The following ZC3HC1 variants were observed in gnomAD, a reference collection of about 807,000 sequenced individuals.
ZC3HC1 encodes the protein zinc finger C3HC-type protein 1.
Under a neutral mutation model 61.9 loss-of-function variants are expected in ZC3HC1, and 38 were observed. The ratio of observed to expected loss-of-function variants is 0.61; its 90% confidence interval spans 0.47 to 0.81. The LOEUF (loss-of-function observed/expected upper bound fraction) is 0.81, where lower values mean the gene tolerates loss of function less well. Ranked by LOEUF, ZC3HC1 falls within the 30% of genes least tolerant of loss-of-function variation. ZC3HC1 has a pLI of 0.00. For synonymous variants in ZC3HC1, 213 were observed against 229.9 expected (o/e 0.93, Z 0.67); for missense variants, 554 against 622.7 (o/e 0.89, Z 1.17).
chr7:130,022,803 C>A (rs117340027), intron 8 of ZC3HC1, among the ~76,000 whole-genome samples: 5 of 152,064 alleles, frequency 3.3e-5, no homozygotes, highest in Non-Finnish European at 7.4e-5. Flanking sequence ...GAACAGCAGG[C>A]GGGCAAGCAA....
intron 1 of ZC3HC1, among the ~76,000 whole-genome samples, chr7:130,050,656 C>T (rs1171005072): frequency 6.6e-6 from 1 of 152,116 alleles, no homozygotes; most frequent in East Asian, 1.9e-4. Context: ...AAATAATGTT[C>T]CCACATTATG....
chr7:130,030,230 T>G (rs571437606), intron 4 of ZC3HC1, among the ~76,000 whole-genome samples: 2 of 147,794 alleles, frequency 1.4e-5, no homozygotes, highest in East Asian at 4.0e-4. Context: ...ACAGAGTTTT[T>G]GCTCTGTCGC....
chr7:130,026,113 G>A, intron 6 of ZC3HC1, 45 bp downstream of exon 6: 1 of 1,592,522 alleles, frequency 6.3e-7, no homozygotes, highest in Non-Finnish European at 8.6e-7. Context: ...TGGGTGTAAT[G>A]CTGTTGTCAT....
chr7:130,036,336 G>A (rs1312280741), intron 4 of ZC3HC1, among the ~76,000 whole-genome samples: 1 of 152,008 alleles, frequency 6.6e-6, no homozygotes, highest in Non-Finnish European at 1.5e-5. Flanking sequence ...GGCCAAAATG[G>A]TGAAACCTCG....
chr7:130,039,287 T>A, intron 4 of ZC3HC1, 177 bp downstream of exon 4: 2 of 593,002 alleles, frequency 3.4e-6, no homozygotes, highest in Non-Finnish European at 5.9e-6. Context: ...AAGGTTGCAG[T>A]GAGCCAAGAT....
intron 2 of ZC3HC1, among the ~76,000 whole-genome samples, chr7:130,044,159 T>C (rs1384400430): frequency 6.6e-6 from 1 of 152,138 alleles, no homozygotes; most frequent in Non-Finnish European, 1.5e-5. Flanking sequence ...CCACTAGCTA[T>C]GAGTTCTCCC....
chr7:130,041,992 A>G (rs1170537914), intron 2 of ZC3HC1, among the ~76,000 whole-genome samples: 1 of 152,174 alleles, frequency 6.6e-6, no homozygotes, highest in Non-Finnish European at 1.5e-5. Flanking sequence ...AAGAAGCACT[A>G]TGTATTTTAT....
intron 2 of ZC3HC1, among the ~76,000 whole-genome samples, chr7:130,041,456 T>C (rs1794667942): frequency 6.6e-6 from 1 of 151,674 alleles, no homozygotes; most frequent in Non-Finnish European, 1.5e-5. Flanking sequence ...CCCAAAGTGC[T>C]GGAATCACAG....
chr7:130,018,517 C>T lies in ZC3HC1; in HGVS notation c.*147G>A, dbSNP rs1793471531. On this transcript the variant is annotated 3_prime_UTR_variant, in exon 10 of 10. Transcript: ENST00000358303. ...CTCAGCCAGATGCAGATAGTTGACA[C>T]TCACTGCCTTTGCTATGGCAGGGGG... 1.5e-6 allele frequency: 1 copy of T among 653,964 alleles called. No homozygotes were observed. 40.5% of individuals were successfully genotyped at this position (653,964 alleles called of 1,614,324 possible).
At chr7:130,018,806 A>C (rs914765935) in intron 9 of ZC3HC1, 74 bp from the exon 10 acceptor site, 7 of 1,343,628 alleles carry the variant, frequency 5.2e-6, no homozygotes, top group Non-Finnish European at 7.4e-6. Flanking sequence ...TTGTCCCACA[A>C]TGATCTGGAT....
At chr7:130,048,484 G>GA (rs1200964426) in intron 2 of ZC3HC1, among the ~76,000 whole-genome samples, 1 of 152,124 alleles carries the variant, frequency 6.6e-6, no homozygotes, top group Non-Finnish European at 1.5e-5. Flanking sequence ...CAGAAATTAT[G>GA]AAATAAAAAC....
intron 9 of ZC3HC1, among the ~76,000 whole-genome samples, chr7:130,020,231 A>T (rs1793576835): frequency 6.6e-6 from 1 of 152,038 alleles, no homozygotes; most frequent in Non-Finnish European, 1.5e-5. Flanking sequence ...AGAGTGACAA[A>T]GTTGAAAGAA....
At position 130,024,510 on chromosome 7, in the gene ZC3HC1, G is replaced by A. The variant is rs1228037132; in HGVS notation, c.777-4C>T. ...CTGCATGGATTCCAAAGAGGAACTAGATAGGAATGAAAAAGAGAGTTTTCT... is the reference window on the plus strand; with the variant it reads ...CTGCATGGATTCCAAAGAGGAACTAAATAGGAATGAAAAAGAGAGTTTTCT... On this transcript the variant is annotated splice_region_variant and splice_polypyrimidine_tract_variant and intron_variant, in intron 6 of 9. Transcript: ENST00000358303. 1 of 1,595,098 alleles carries A rather than the reference G, an allele frequency of 6.3e-7. No homozygotes were observed. Among genetic ancestry groups the A allele is most frequent in the South Asian group, 1.1e-5 (1 of 89,338 alleles).
intron 2 of ZC3HC1, among the ~76,000 whole-genome samples, chr7:130,045,890 C>CAAAAA (rs59500095): frequency 2.1e-4 from 8 of 38,564 alleles, no homozygotes; most frequent in Non-Finnish European, 2.3e-4. Flanking sequence ...GACTCCATCT[C>CAAAAA]AAAAAAAAAA....
intron 2 of ZC3HC1, among the ~76,000 whole-genome samples, chr7:130,045,854 G>T (rs1377859959): frequency 1.5e-5 from 2 of 137,474 alleles, no homozygotes; most frequent in African/African-American, 2.8e-5. Flanking sequence ...TCACACCAGT[G>T]CACTCCAGCC....
chr7:130,042,735 T>C (rs1794728627), intron 2 of ZC3HC1, among the ~76,000 whole-genome samples: 2 of 152,214 alleles, frequency 1.3e-5, no homozygotes, highest in Non-Finnish European at 2.9e-5. Context: ...CAGGCTGGAA[T>C]GCAATGGCAC....
chr7:130,019,808 G>A (rs1037278207), intron 9 of ZC3HC1, among the ~76,000 whole-genome samples: 19 of 136,774 alleles, frequency 1.4e-4, no homozygotes, highest in African/African-American at 1.9e-4. Flanking sequence ...CGCTTTCACA[G>A]GTTTTTTTTT....
intron 1 of ZC3HC1, chr7:130,050,442 C>G (rs1330331849): frequency 8.5e-6 from 13 of 1,530,052 alleles, no homozygotes; most frequent in Non-Finnish European, 1.1e-5. Flanking sequence ...AATAAACTTA[C>G]TCTAAGACTC....
intron 4 of ZC3HC1, among the ~76,000 whole-genome samples, chr7:130,032,668 T>TGGAAGGAAGGAAGGAAGGAA (rs374532483): frequency 7.8e-4 from 45 of 58,060 alleles, no homozygotes; most frequent in East Asian, 5.8e-3. Flanking sequence ...ATAGAAGAAA[T>TGGAAGGAAGGAAGGAAGGAA]GGAAGGAAGG....
Sources: gnomAD v4.1 joint callset for allele counts (sites outside exome capture counted in the v4.1 genomes callset) on GRCh38, gnomAD v4.1.1 for gene constraint, MANE v1.5 for transcripts, NCBI Gene and HGNC (gene_info 2026-07-23, HGNC 2026-07-21) for gene names.